SNX29: variants seen among roughly 807,000 people sequenced by gnomAD.
SNX29 encodes the protein sorting nexin 29, also known as sorting nexin-29.
In SNX29, 78 loss-of-function variants were observed where a neutral mutation model predicts 102.1. That is an observed-to-expected ratio of 0.76 (90% CI 0.64 to 0.92). The LOEUF is 0.92. SNX29 is among the 40% of genes least tolerant of loss of function. The pLI, the probability that SNX29 is intolerant of heterozygous loss-of-function variation, is 0.00. For missense variants in SNX29, 1,280 were observed against 1,061.7 expected (o/e 1.21, Z -2.86); for synonymous variants, 580 against 414.5 (o/e 1.40, Z -4.85).
chr16:12,049,173 C>A (rs1466465971), intron 7 of SNX29, among the ~76,000 whole-genome samples: 2 of 152,086 alleles, frequency 1.3e-5, no homozygotes, highest in Non-Finnish European at 2.9e-5. Flanking sequence ...TCAGGTTTGA[C>A]TCTAGGCTCT....
intron 10 of SNX29, among the ~76,000 whole-genome samples, chr16:12,077,198 G>T (rs1054859265): frequency 6.6e-6 from 1 of 151,942 alleles, no homozygotes; most frequent in Non-Finnish European, 1.5e-5. Context: ...AAGATCACTT[G>T]AACCCAGGAG....
chr16:12,484,930 T>G (rs2088152269), intron 19 of SNX29, among the ~76,000 whole-genome samples: 1 of 152,236 alleles, frequency 6.6e-6, no homozygotes. Flanking sequence ...GGAGTCTGTT[T>G]CTGTTCACTG....
At chr16:12,494,344 T>C (rs2088702532) in intron 19 of SNX29, among the ~76,000 whole-genome samples, 1 of 152,146 alleles carries the variant, frequency 6.6e-6, no homozygotes, top group South Asian at 2.1e-4. Context: ...TGTTTAATTG[T>C]CTCCTTCCTC....
intron 20 of SNX29, among the ~76,000 whole-genome samples, chr16:12,535,930 G>C (rs2077064588): frequency 6.6e-6 from 1 of 152,148 alleles, no homozygotes; most frequent in Admixed American, 6.5e-5. Context: ...TAGAAAATGG[G>C]GCTGGGGAGG....
At chr16:12,412,839 G>T (rs2084459820) in intron 18 of SNX29, among the ~76,000 whole-genome samples, 1 of 152,356 alleles carries the variant, frequency 6.6e-6, no homozygotes, top group South Asian at 2.1e-4. Flanking sequence ...AAAATCAAAA[G>T]AAGTGTTTTG....
At chr16:12,392,908 C>T (rs2083582603) in intron 16 of SNX29, among the ~76,000 whole-genome samples, 2 of 152,230 alleles carry the variant, frequency 1.3e-5, no homozygotes, top group African/African-American at 4.8e-5. Flanking sequence ...ACTTTATGAT[C>T]AGATCATCAG....
chr16:12,244,157 T>G (rs2078193457), intron 14 of SNX29, among the ~76,000 whole-genome samples: 1 of 152,068 alleles, frequency 6.6e-6, no homozygotes, highest in Admixed American at 6.5e-5. Flanking sequence ...GCGGTGATGC[T>G]CACTCACCCG....
chr16:12,111,500 C>G (rs749367898), intron 11 of SNX29, among the ~76,000 whole-genome samples: 19 of 152,172 alleles, frequency 1.2e-4, no homozygotes, highest in Non-Finnish European at 2.1e-4. Flanking sequence ...GCGCAGGAGT[C>G]CACTTAGCAG....
intron 20 of SNX29, among the ~76,000 whole-genome samples, chr16:12,535,361 C>G (rs1028889331): frequency 1.3e-5 from 2 of 152,214 alleles, no homozygotes; most frequent in Non-Finnish European, 2.9e-5. Context: ...GTCTCGAACT[C>G]CTGGCCTCAA....
intron 20 of SNX29, among the ~76,000 whole-genome samples, chr16:12,542,673 GGAACAT>G (rs2077395189): frequency 6.6e-6 from 1 of 152,126 alleles, no homozygotes; most frequent in Non-Finnish European, 1.5e-5. Context: ...CAGCGTGTTG[GGAACAT>G]GGACTTTGGG....
intron 16 of SNX29, among the ~76,000 whole-genome samples, chr16:12,376,501 C>T (rs560225171): frequency 4.6e-5 from 7 of 151,976 alleles, no homozygotes; most frequent in African/African-American, 1.2e-4. Context: ...TTTGGGAGGC[C>T]GAGGCAGGTG....
intron 20 of SNX29, among the ~76,000 whole-genome samples, chr16:12,541,761 A>G (rs1300268353): frequency 6.6e-6 from 1 of 152,048 alleles, no homozygotes; most frequent in Non-Finnish European, 1.5e-5. Flanking sequence ...AGTGCCTGAT[A>G]CTGACCTGCG....
chr16:12,536,918 G>T (rs1470084138), intron 20 of SNX29, among the ~76,000 whole-genome samples: 1 of 152,170 alleles, frequency 6.6e-6, no homozygotes, highest in Non-Finnish European at 1.5e-5. Context: ...GGAGGTTGCA[G>T]TGAGCCGAGA....
chr16:12,477,902 T>C (rs2087730599), intron 19 of SNX29, 43 bp downstream of exon 19: 1 of 1,541,402 alleles, frequency 6.5e-7, no homozygotes, highest in African/African-American at 1.4e-5. Context: ...CTGCCTGCGT[T>C]AAAATGGATT....
In SNX29 at chr16:12,337,741, C is replaced by T. The variant is rs182478919; in HGVS notation, c.1783-18422C>T. Among the ~76,000 whole-genome samples, 78 of 152,288 alleles carry T rather than the reference C, an allele frequency of 5.1e-4. No homozygotes were observed. The East Asian group carries it at 0.012, about 24-fold the overall frequency. On this transcript the variant is annotated intron_variant, in intron 15 of 20. Transcript: ENST00000566228. ...GATTGTCATTCAGTGACGGTGATGGCGTGGTTTCCCTGGCCGAGTGAGGAC... is the reference window on the plus strand; with the variant it reads ...GATTGTCATTCAGTGACGGTGATGGTGTGGTTTCCCTGGCCGAGTGAGGAC...
chr16:12,525,916 C>T (rs946536140), intron 20 of SNX29, among the ~76,000 whole-genome samples: 6 of 152,100 alleles, frequency 3.9e-5, no homozygotes, highest in African/African-American at 9.7e-5. Flanking sequence ...CCCTGCCTTG[C>T]CACTGATTAG....
At chr16:12,520,269 T>C (rs1383946394) in intron 19 of SNX29, among the ~76,000 whole-genome samples, 1 of 152,224 alleles carries the variant, frequency 6.6e-6, no homozygotes, top group Non-Finnish European at 1.5e-5. Flanking sequence ...ACAAGGCAGA[T>C]GGCTTCTCCT....
At chr16:11,992,881 G>T (rs1168946844) in intron 1 of SNX29, among the ~76,000 whole-genome samples, 3 of 152,178 alleles carry the variant, frequency 2.0e-5, no homozygotes, top group East Asian at 1.9e-4. Context: ...TATCTGCAGG[G>T]CTGGGCGTGG....
chr16:12,262,895 C>T (rs778915605), intron 14 of SNX29, among the ~76,000 whole-genome samples: 37 of 152,192 alleles, frequency 2.4e-4, no homozygotes, highest in Non-Finnish European at 3.8e-4. Context: ...TTCCTATTTG[C>T]AGTCACTCAC....
Sources: allele counts gnomAD v4.1 joint callset (sites outside exome capture counted in the v4.1 genomes callset), GRCh38; gene constraint gnomAD v4.1.1; transcripts MANE v1.5; gene names NCBI Gene and HGNC (gene_info 2026-07-23, HGNC 2026-07-21).